ABHD17B: variants seen among roughly 807,000 people sequenced by gnomAD.
ABHD17B encodes abhydrolase domain containing 17B, depalmitoylase.
ABHD17B carries 9 observed loss-of-function variants against 26.2 expected under a neutral mutation model. The ratio of observed to expected loss-of-function variants is 0.34; its 90% CI spans 0.21 to 0.60. The LOEUF (loss-of-function observed/expected upper bound fraction) is 0.60. Among genes scored for constraint, ABHD17B ranks in the 20% least tolerant of loss-of-function variants. The pLI is 0.80. For synonymous variants in ABHD17B, 127 were observed against 122.3 expected (o/e 1.04, Z -0.25); for missense variants, 224 against 352.1 (o/e 0.64, Z 2.91).
At chr9:71,906,161 A>C (rs1251060429) in intron 1 of ABHD17B, among the ~76,000 whole-genome samples, 3 of 152,306 alleles carry the variant, frequency 2.0e-5, no homozygotes, top group Non-Finnish European at 2.9e-5. Context: ...AGGAAAAAAA[A>C]CCCACTAATG....
chr9:71,871,427 T>C (rs767191124), intron 2 of ABHD17B, among the ~76,000 whole-genome samples: 39 of 152,166 alleles, frequency 2.6e-4, no homozygotes, highest in Non-Finnish European at 5.3e-4. Flanking sequence ...ATTAGCAAAC[T>C]CAGAAAAGCT....
intron 1 of ABHD17B, among the ~76,000 whole-genome samples, chr9:71,899,215 A>G (rs1827060024): frequency 6.6e-6 from 1 of 152,220 alleles, no homozygotes; most frequent in Non-Finnish European, 1.5e-5. Flanking sequence ...GTAGGTGTGA[A>G]AAGTATTTTA....
rs1454404945 is a variant in ABHD17B, at chr9:71,902,037, TAA to T, written c.-4+8595_-4+8596del. ...TTTAATTTAACAGGCTGTTCCTCGC[TAA>T]GAGAGGTTCTTTTCTGCTTCTGTGC... is the stretch of plus-strand genomic sequence containing the variant. On this transcript the variant is annotated intron_variant, in intron 1 of 3. Transcript: ENST00000333421. Among the ~76,000 whole-genome samples the T allele has an allele frequency of 2.0e-5, 3 of 152,228 alleles. 1 individual carries two copies. Among genetic ancestry groups the T allele is most frequent in the South Asian group, 4.1e-4 (2 of 4,828 alleles).
chr9:71,866,295 G>C lies in ABHD17B; in HGVS notation c.*492C>G, dbSNP rs1825953211. On this transcript the variant is annotated 3_prime_UTR_variant, in exon 4 of 4. Coordinates refer to ENST00000333421, the MANE Select transcript of ABHD17B (RefSeq NM_001025780.3). ...TTAAACCTCTATCCCTGTACAACAG[G>C]GTTTAGGTTAATTCTAGTGAACTTG... is the stretch of plus-strand genomic sequence containing the variant. 3 of 988,746 alleles carry C rather than the reference G, an allele frequency of 3.0e-6. No homozygotes were observed. The highest frequency in any genetic ancestry group is 3.6e-6 in the Non-Finnish European group (3 of 831,466). The allele number at this position is 988,746 out of a possible 1,614,324, so 61.2% of individuals were successfully genotyped here.
intron 1 of ABHD17B, among the ~76,000 whole-genome samples, chr9:71,878,152 T>C (rs1475950108): frequency 6.6e-6 from 1 of 150,572 alleles, no homozygotes. Flanking sequence ...AAAAAAAAAA[T>C]CACTGAAATA....
At chr9:71,885,321 G>A (rs1382206778) in intron 1 of ABHD17B, among the ~76,000 whole-genome samples, 4 of 151,816 alleles carry the variant, frequency 2.6e-5, no homozygotes, top group Non-Finnish European at 5.9e-5. Context: ...TTAGCCAGGC[G>A]TGGAGGCGTA....
chr9:71,865,490 C>T lies in ABHD17B; in HGVS notation c.*1297G>A, dbSNP rs767399177. ...GTTAATATAAAAGTTATGAATTAAACGTATTCTTATCTCCTATACCCAGGA... is the reference window on the plus strand; with the variant it reads ...GTTAATATAAAAGTTATGAATTAAATGTATTCTTATCTCCTATACCCAGGA... On this transcript the variant is annotated 3_prime_UTR_variant, in exon 4 of 4. Coordinates refer to ENST00000333421, the MANE Select transcript of ABHD17B (RefSeq NM_001025780.3). 11 of 983,310 alleles carry T rather than the reference C, an allele frequency of 1.1e-5. No homozygotes were observed. Among genetic ancestry groups the T allele is most frequent in the African/African-American group, 1.7e-5 (1 of 57,156 alleles). 60.9% of individuals were successfully genotyped at this position (983,310 alleles called of 1,614,324 possible).
chr9:71,896,515 G>A (rs1015339346), intron 1 of ABHD17B, among the ~76,000 whole-genome samples: 7 of 152,138 alleles, frequency 4.6e-5, no homozygotes, highest in African/African-American at 1.4e-4. Flanking sequence ...GGTGAAGGAG[G>A]AGGGTTAGAA....
chr9:71,863,739 A>C (rs949104085), downstream of ABHD17B, among the ~76,000 whole-genome samples: 4 of 152,184 alleles, frequency 2.6e-5, no homozygotes, highest in African/African-American at 9.7e-5. Flanking sequence ...GGTATTGTGT[A>C]ATTTTCACCC....
At chr9:71,872,996 A>G (rs545349831) in intron 2 of ABHD17B, among the ~76,000 whole-genome samples, 1 of 152,012 alleles carries the variant, frequency 6.6e-6, no homozygotes, top group African/African-American at 2.4e-5. Flanking sequence ...AATAGTTTTA[A>G]AGATATTTTT....
At chr9:71,908,797 T>C (rs141560743) in intron 1 of ABHD17B, among the ~76,000 whole-genome samples, 3 of 152,364 alleles carry the variant, frequency 2.0e-5, no homozygotes, top group African/African-American at 7.2e-5. Context: ...CTTATATCAA[T>C]GTCACATAAC....
chr9:71,870,369 C>T (rs1524381), intron 2 of ABHD17B, 107 bp from the exon 3 acceptor site: 957,761 of 976,434 alleles, frequency 0.98, 471,031 homozygotes, highest in East Asian at 1. Flanking sequence ...GTCAACTAAT[C>T]CATTTTTTAA....
rs1399947555 is a variant in ABHD17B, at chr9:71,866,653, TAAC to T, written c.*131_*133del. ...TAATTAAAACCTTCATTAAGTCTGT[TAAC>T]AAATCATTACCTGTACATTTATGAA... On this transcript the variant is annotated 3_prime_UTR_variant, in exon 4 of 4. Transcript: ENST00000333421. 6.9e-6 allele frequency: 10 copies of T among 1,456,872 alleles called. No homozygotes were observed. The highest frequency in any genetic ancestry group is 9.0e-6 in the Non-Finnish European group (10 of 1,108,890). The allele number at this position is 1,456,872 out of a possible 1,614,324, so 90.2% of individuals were successfully genotyped here.
chr9:71,893,980 C>T (rs1826874024), intron 1 of ABHD17B, among the ~76,000 whole-genome samples: 1 of 151,636 alleles, frequency 6.6e-6, no homozygotes, highest in African/African-American at 2.4e-5. Flanking sequence ...GTCCCAGCTA[C>T]TCGGGAGGCT....
At chr9:71,899,030 A>G (rs1827052068) in intron 1 of ABHD17B, among the ~76,000 whole-genome samples, 1 of 152,074 alleles carries the variant, frequency 6.6e-6, no homozygotes, top group South Asian at 2.1e-4. Context: ...AGGCTGAGAC[A>G]TGAGAATAGC....
At chr9:71,886,143 T>C (rs191087114) in intron 1 of ABHD17B, among the ~76,000 whole-genome samples, 1 of 152,330 alleles carries the variant, frequency 6.6e-6, no homozygotes, top group Admixed American at 6.5e-5. Flanking sequence ...TTCTGTGTAA[T>C]CTGTAGTAGT....
intron 1 of ABHD17B, among the ~76,000 whole-genome samples, chr9:71,887,991 TGA>T (rs1338316056): frequency 1.3e-5 from 2 of 152,342 alleles, no homozygotes; most frequent in South Asian, 4.1e-4. Context: ...TTCATGTTCT[TGA>T]GAGGTTCCTT....
chr9:71,900,757 CCCT>C (rs1176403925), intron 1 of ABHD17B, among the ~76,000 whole-genome samples: 1 of 152,126 alleles, frequency 6.6e-6, no homozygotes, highest in Non-Finnish European at 1.5e-5. Context: ...TACTATCCCC[CCCT>C]CATCACTATA....
At chr9:71,895,799 T>C (rs1485607125) in intron 1 of ABHD17B, among the ~76,000 whole-genome samples, 2 of 152,156 alleles carry the variant, frequency 1.3e-5, no homozygotes, top group Non-Finnish European at 2.9e-5. Flanking sequence ...ATCAATTCCA[T>C]GCAAAATCAC....
Sources: allele counts gnomAD v4.1 joint callset (sites outside exome capture counted in the v4.1 genomes callset), GRCh38; gene constraint gnomAD v4.1.1; transcripts MANE v1.5; gene names NCBI Gene and HGNC (gene_info 2026-07-23, HGNC 2026-07-21).